The following NCAM1 variants were observed in gnomAD, a reference collection of about 807,000 sequenced individuals.
NCAM1 encodes the protein antigen recognized by monoclonal antibody 5.1H11.
Under a neutral mutation model 109.8 loss-of-function variants are expected in NCAM1, and 14 were observed. The observed-to-expected ratio is 0.13, with a 90% CI of 0.08 to 0.20. The LOEUF (loss-of-function observed/expected upper bound fraction) is 0.20. NCAM1 is among the 10% of genes least tolerant of loss of function. NCAM1 has a pLI of 1.00. For missense variants in NCAM1, 774 were observed against 1,109.9 expected, an observed-to-expected ratio of 0.70 and a Z score of 4.30; for synonymous variants, 418 against 442.9, an observed-to-expected ratio of 0.94 and a Z score of 0.70.
rs1032925297 is a variant in NCAM1 at position 113,012,061 on chromosome 11, C to T, written c.52+50397C>T. ...GGTGTGTGACAGATTCTCCGTCTCCCAGGCTGGAGTGCAGTGGCGCGATCT... is the reference window on the plus strand; with the variant it reads ...GGTGTGTGACAGATTCTCCGTCTCCTAGGCTGGAGTGCAGTGGCGCGATCT... On this transcript the variant is annotated intron_variant, in intron 1 of 19. Coordinates refer to ENST00000316851, the MANE Select transcript of NCAM1 (RefSeq NM_181351.5). 1.1e-4 allele frequency among the ~76,000 whole-genome samples: 16 copies of T among 150,120 alleles called. 1 individual carries two copies. The highest frequency in any genetic ancestry group is 8.7e-4 in the Admixed American group (13 of 14,946).
At chr11:113,202,749 A>G (rs1433813263) in intron 2 of NCAM1, among the ~76,000 whole-genome samples, 1 of 152,202 alleles carries the variant, frequency 6.6e-6, no homozygotes, top group Non-Finnish European at 1.5e-5. Flanking sequence ...ATCATCCCCC[A>G]TCTCCTATTC....
At chr11:113,250,852 C>T (rs897654688) in intron 15 of NCAM1, among the ~76,000 whole-genome samples, 7 of 152,222 alleles carry the variant, frequency 4.6e-5, no homozygotes, top group Non-Finnish European at 8.8e-5. Flanking sequence ...GGCTGGAGTG[C>T]AGTGGTGCGA....
chr11:113,235,459 A>G, intron 14 of NCAM1: 1 of 666,210 alleles, frequency 1.5e-6, no homozygotes, highest in South Asian at 1.4e-5. Flanking sequence ...AAGTGGGGAG[A>G]AAACCAGGAG....
At chr11:113,238,727 G>A (rs572163280) in intron 14 of NCAM1, among the ~76,000 whole-genome samples, 1 of 152,336 alleles carries the variant, frequency 6.6e-6, no homozygotes, top group Non-Finnish European at 1.5e-5. Context: ...ATTGGTTTCT[G>A]ATGCCAGCTT....
chr11:113,049,040 A>G (rs1201201648), intron 1 of NCAM1, among the ~76,000 whole-genome samples: 2 of 152,060 alleles, frequency 1.3e-5, no homozygotes, highest in African/African-American at 2.4e-5. Flanking sequence ...CCTTTTGTGA[A>G]CAGATCTCAC....
intron 1 of NCAM1, among the ~76,000 whole-genome samples, chr11:113,086,449 C>T (rs1233130516): frequency 6.6e-6 from 1 of 152,054 alleles, no homozygotes; most frequent in Non-Finnish European, 1.5e-5. Flanking sequence ...GATCGGTGGA[C>T]ATATATTGGG....
intron 1 of NCAM1, among the ~76,000 whole-genome samples, chr11:113,010,611 CT>C: frequency 6.6e-6 from 1 of 152,260 alleles, no homozygotes; most frequent in African/African-American, 2.4e-5. Context: ...TAATTACTGA[CT>C]TTTTTGAGAT....
At chr11:112,977,762 G>A (rs1193161356) in intron 1 of NCAM1, among the ~76,000 whole-genome samples, 2 of 151,802 alleles carry the variant, frequency 1.3e-5, no homozygotes, top group Non-Finnish European at 2.9e-5. Context: ...AAACCTCTGG[G>A]CTTAGAAAGG....
At chr11:112,989,816 T>C (rs1389359731) in intron 1 of NCAM1, among the ~76,000 whole-genome samples, 1 of 152,228 alleles carries the variant, frequency 6.6e-6, no homozygotes, top group Admixed American at 6.5e-5. Flanking sequence ...CCAGTAAATT[T>C]TTATTCAAGG....
intron 1 of NCAM1, among the ~76,000 whole-genome samples, chr11:113,163,979 C>T (rs1267083923): frequency 6.6e-6 from 1 of 152,132 alleles, no homozygotes; most frequent in Non-Finnish European, 1.5e-5. Context: ...GGCATGTTCC[C>T]AGATGGCCAC....
At chr11:113,270,929 A>G (rs1479352921) in intron 18 of NCAM1, among the ~76,000 whole-genome samples, 2 of 152,210 alleles carry the variant, frequency 1.3e-5, no homozygotes, top group East Asian at 3.9e-4. Context: ...GGAGAAACAG[A>G]TCCTAAGCCA....
At chr11:113,141,052 A>C (rs1555100312) in intron 1 of NCAM1, among the ~76,000 whole-genome samples, 1 of 152,096 alleles carries the variant, frequency 6.6e-6, no homozygotes, top group Non-Finnish European at 1.5e-5. Flanking sequence ...TATTATCTTC[A>C]ATACACTATG....
At chr11:113,208,678 C>A (rs1261462697) in intron 7 of NCAM1, among the ~76,000 whole-genome samples, 1 of 152,238 alleles carries the variant, frequency 6.6e-6, no homozygotes, top group South Asian at 2.1e-4. Flanking sequence ...ATCTCTCTCT[C>A]GTGACTCTTA....
chr11:113,189,399 G>A (rs928916185), intron 1 of NCAM1, among the ~76,000 whole-genome samples: 2 of 147,316 alleles, frequency 1.4e-5, no homozygotes, highest in African/African-American at 2.5e-5. Flanking sequence ...GCAGTGAGCC[G>A]AGATCATGCC....
chr11:113,236,440 C>T (rs2137297930), intron 14 of NCAM1: 4 of 1,043,282 alleles, frequency 3.8e-6, no homozygotes, highest in South Asian at 2.7e-5. Context: ...ATTGTCTGGG[C>T]CCTAACCACA....
At chr11:113,182,917 G>A (rs958983560) in intron 1 of NCAM1, among the ~76,000 whole-genome samples, 4 of 152,228 alleles carry the variant, frequency 2.6e-5, no homozygotes, top group East Asian at 1.9e-4. Flanking sequence ...GGCCTGGGCC[G>A]CAGATTGGAG....
intron 14 of NCAM1, chr11:113,242,971 G>A (rs1945378484): frequency 1.3e-6 from 2 of 1,552,280 alleles, no homozygotes; most frequent in Non-Finnish European, 8.7e-7. Flanking sequence ...AATGCATGAA[G>A]GCTCCTAGCC....
intron 1 of NCAM1, among the ~76,000 whole-genome samples, chr11:113,135,630 C>T (rs1941570039): frequency 6.6e-6 from 1 of 152,152 alleles, no homozygotes; most frequent in African/African-American, 2.4e-5. Flanking sequence ...AGCTATTTTG[C>T]TTACCAGTGC....
intron 1 of NCAM1, among the ~76,000 whole-genome samples, chr11:113,172,699 G>A (rs1943031477): frequency 6.6e-6 from 1 of 152,188 alleles, no homozygotes; most frequent in Non-Finnish European, 1.5e-5. Context: ...AAGTAGAAAT[G>A]AATAAAGCTG....
Sources: gnomAD v4.1 joint callset for allele counts (sites outside exome capture counted in the v4.1 genomes callset) on GRCh38, gnomAD v4.1.1 for gene constraint, MANE v1.5 for transcripts, NCBI Gene and HGNC (gene_info 2026-07-23, HGNC 2026-07-21) for gene names.